Variants in PRELID2 observed in about 807,000 individuals in gnomAD.
PRELID2 encodes PRELI domain-containing protein 2.
Under a neutral mutation model 28.4 loss-of-function variants are expected in PRELID2, and 25 were observed. The ratio of observed to expected loss-of-function variants is 0.88; its 90% CI spans 0.64 to 1.23. The LOEUF is 1.23. PRELID2 is among the 50% of genes most tolerant of loss of function. The probability of loss-of-function intolerance (pLI) is 0.00; values close to 1 mark genes in which losing one functional copy is unlikely to be tolerated. For synonymous variants in PRELID2, 76 were observed against 71.6 expected (o/e 1.06, Z -0.31); for missense variants, 201 against 214.4 (o/e 0.94, Z 0.39).
At chr5:145,392,565 A>G in the PRELID2 span, among the ~76,000 whole-genome samples, 1 of 152,176 alleles carries the variant, frequency 6.6e-6, no homozygotes, top group Non-Finnish European at 1.5e-5. Context: ...AAATAATATA[A>G]CAGAATTGCA....
the PRELID2 span, among the ~76,000 whole-genome samples, chr5:145,311,041 G>A: frequency 6.6e-6 from 1 of 152,102 alleles, no homozygotes; most frequent in East Asian, 1.9e-4. Flanking sequence ...CAACAATTCT[G>A]ATGTATAAGT....
intron 1 of PRELID2, among the ~76,000 whole-genome samples, chr5:145,654,475 T>A (rs1471530836): frequency 6.6e-6 from 1 of 152,192 alleles, no homozygotes; most frequent in African/African-American, 2.4e-5. Flanking sequence ...ATATCCCTGA[T>A]GAACATTGAT....
rs1437460505 is a variant in PRELID2, at chr5:145,758,439, T to TA, written c.*2096dup. ...CTGGAACTACCAAAGGAGTTTTTTT[T>TA]AAAGCTGATGCCTTGGTTCCACTAC... On this transcript the variant is annotated 3_prime_UTR_variant, in exon 7 of 7. Coordinates refer to ENST00000683046, the MANE Select transcript of PRELID2 (RefSeq NM_205846.3). Among the ~76,000 whole-genome samples, 5 of 152,178 alleles carry TA rather than the reference T, an allele frequency of 3.3e-5. No homozygotes were observed. Among genetic ancestry groups the TA allele is most frequent in the African/African-American group, 9.7e-5 (4 of 41,442 alleles).
At chr5:145,234,300 A>G in the PRELID2 span, among the ~76,000 whole-genome samples, 1 of 152,148 alleles carries the variant, frequency 6.6e-6, no homozygotes, top group South Asian at 2.1e-4. Flanking sequence ...CTCACTCAAC[A>G]CAACAGCTCC....
At chr5:145,411,349 A>G in the PRELID2 span, among the ~76,000 whole-genome samples, 1 of 152,108 alleles carries the variant, frequency 6.6e-6, no homozygotes, top group Admixed American at 6.6e-5. Flanking sequence ...TGATTCAATT[A>G]CCTCCCACTG....
At chr5:145,256,394 A>C in the PRELID2 span, among the ~76,000 whole-genome samples, 1 of 151,900 alleles carries the variant, frequency 6.6e-6, no homozygotes, top group Admixed American at 6.6e-5. Context: ...AGTCATTTCT[A>C]TGTCTGTTTC....
chr5:145,672,888 T>C (rs1303577254), intron 1 of PRELID2, among the ~76,000 whole-genome samples: 9 of 152,196 alleles, frequency 5.9e-5, no homozygotes, highest in Non-Finnish European at 1.5e-5. Context: ...CCAATTTTAT[T>C]TGAATTATAA....
chr5:145,484,267 C>G (rs1012200869), intron 1 of PRELID2, among the ~76,000 whole-genome samples: 2 of 152,154 alleles, frequency 1.3e-5, no homozygotes, highest in African/African-American at 4.8e-5. Flanking sequence ...ATTACAGGCA[C>G]AGGGACACCG....
At chr5:145,511,609 C>T (rs1752462093) in intron 1 of PRELID2, among the ~76,000 whole-genome samples, 1 of 152,192 alleles carries the variant, frequency 6.6e-6, no homozygotes, top group Non-Finnish European at 1.5e-5. Context: ...CAGCCAGCAT[C>T]TCTGTGGATT....
At chr5:145,510,828 G>C (rs1157127078) in intron 1 of PRELID2, among the ~76,000 whole-genome samples, 1 of 152,192 alleles carries the variant, frequency 6.6e-6, no homozygotes. Context: ...GGTTGTAGCT[G>C]CCTTTTGCAA....
At chr5:145,705,449 G>A (rs1755521113) in intron 1 of PRELID2, among the ~76,000 whole-genome samples, 2 of 151,862 alleles carry the variant, frequency 1.3e-5, no homozygotes, top group Non-Finnish European at 2.9e-5. Flanking sequence ...TGATTTGCCC[G>A]CCTCGCCTCC....
the PRELID2 span, among the ~76,000 whole-genome samples, chr5:145,341,255 A>G: frequency 6.6e-6 from 1 of 152,188 alleles, no homozygotes; most frequent in African/African-American, 2.4e-5. Context: ...ACAGATCTCA[A>G]TCAAAAAGAA....
intron 1 of PRELID2, among the ~76,000 whole-genome samples, chr5:145,639,421 T>C (rs1754057792): frequency 6.6e-6 from 1 of 152,206 alleles, no homozygotes; most frequent in African/African-American, 2.4e-5. Flanking sequence ...GTTTTTGCCA[T>C]CTGGAATCTT....
chr5:145,700,256 T>C (rs1459019586), intron 1 of PRELID2, among the ~76,000 whole-genome samples: 2 of 151,916 alleles, frequency 1.3e-5, no homozygotes, highest in African/African-American at 4.8e-5. Context: ...CCCACAGACC[T>C]AGATTCAAAT....
intron 1 of PRELID2, among the ~76,000 whole-genome samples, chr5:145,620,196 T>C (rs576509151): frequency 8.5e-5 from 13 of 152,274 alleles, no homozygotes; most frequent in Non-Finnish European, 1.8e-4. Context: ...AGGAAACATG[T>C]TGAATGCTGA....
At chr5:145,515,514 C>T (rs1051972121) in intron 1 of PRELID2, among the ~76,000 whole-genome samples, 3 of 152,084 alleles carry the variant, frequency 2.0e-5, no homozygotes, top group Admixed American at 1.3e-4. Context: ...GCCTACCAAA[C>T]AAAAAAGCCC....
downstream of PRELID2, among the ~76,000 whole-genome samples, chr5:145,751,719 C>T (rs752684869): frequency 3.9e-5 from 6 of 152,202 alleles, no homozygotes; most frequent in South Asian, 2.1e-4. Flanking sequence ...CGGTGGCTCA[C>T]GCCTGTAATC....
At chr5:145,417,854 T>C in the PRELID2 span, among the ~76,000 whole-genome samples, 3 of 152,290 alleles carry the variant, frequency 2.0e-5, no homozygotes, top group Middle Eastern at 6.8e-3. Context: ...GGATGTCCTT[T>C]CTCACCATTT....
At chr5:145,534,921 T>C (rs979816570) in intron 1 of PRELID2, among the ~76,000 whole-genome samples, 5 of 151,940 alleles carry the variant, frequency 3.3e-5, no homozygotes, top group African/African-American at 4.8e-5. Context: ...ATTTCAACAG[T>C]ATTTTGCTAT....
Sources: gnomAD v4.1 joint callset for allele counts (sites outside exome capture counted in the v4.1 genomes callset) on GRCh38, gnomAD v4.1.1 for gene constraint, MANE v1.5 for transcripts, NCBI Gene and HGNC (gene_info 2026-07-23, HGNC 2026-07-21) for gene names.